Variants in C9orf85 observed in about 807,000 individuals in gnomAD.
C9orf85 encodes uncharacterized protein C9orf85.
C9orf85 carries 16 observed loss-of-function variants against 14.9 expected under a neutral mutation model. That is an observed-to-expected ratio of 1.08 (90% CI 0.73 to 1.63). The LOEUF (loss-of-function observed/expected upper bound fraction) is 1.63, where lower values mean the gene tolerates loss of function less well. Among genes scored for constraint, C9orf85 ranks in the 40% most tolerant of loss-of-function variants. C9orf85 has a pLI of 0.00. For synonymous variants in C9orf85, 45 were observed against 56.8 expected, an observed-to-expected ratio of 0.79 and a Z score of 0.93; for missense variants, 172 against 186.1, an observed-to-expected ratio of 0.92 and a Z score of 0.44.
intron 2 of C9orf85, among the ~76,000 whole-genome samples, chr9:71,947,547 A>G (rs913697468): frequency 1.3e-5 from 2 of 152,162 alleles, no homozygotes; most frequent in Non-Finnish European, 2.9e-5. Flanking sequence ...GTGAATCACT[A>G]GATTGATAAC....
intron 1 of C9orf85, among the ~76,000 whole-genome samples, chr9:71,921,081 C>G (rs1462165962): frequency 1.9e-4 from 29 of 152,130 alleles, no homozygotes; most frequent in Admixed American, 1.9e-3. Flanking sequence ...AGTAAGATAC[C>G]AACTTCCAAC....
chr9:71,914,114 TTTGTCAGAAGCATC>T (rs1242347125), intron 1 of C9orf85, among the ~76,000 whole-genome samples: 1 of 152,202 alleles, frequency 6.6e-6, no homozygotes, highest in Non-Finnish European at 1.5e-5. Flanking sequence ...AAGCCAAGAC[TTTGTCAGAAGCATC>T]TGATCCTAAC....
intron 1 of C9orf85, among the ~76,000 whole-genome samples, chr9:71,918,143 A>C (rs562172133): frequency 6.6e-6 from 1 of 152,264 alleles, no homozygotes; most frequent in Non-Finnish European, 1.5e-5. Context: ...AGATCGTGCC[A>C]CTGCACTCCA....
At chr9:71,943,697 C>T (rs539418861) in intron 1 of C9orf85, among the ~76,000 whole-genome samples, 4 of 151,888 alleles carry the variant, frequency 2.6e-5, no homozygotes, top group South Asian at 2.1e-4. Flanking sequence ...CATGCGCCAG[C>T]ACCCCGGCTA....
At chr9:71,932,135 T>C (rs764759196) in intron 1 of C9orf85, among the ~76,000 whole-genome samples, 7 of 152,208 alleles carry the variant, frequency 4.6e-5, no homozygotes, top group Non-Finnish European at 7.3e-5. Context: ...CCTTCTCCTG[T>C]ATTTGATGCT....
intron 2 of C9orf85, among the ~76,000 whole-genome samples, chr9:71,968,986 C>T (rs567645919): frequency 1.3e-5 from 2 of 152,102 alleles, no homozygotes; most frequent in South Asian, 4.2e-4. Context: ...AGTAGGTGAC[C>T]AGGGGTGACT....
intron 3 of C9orf85, among the ~76,000 whole-genome samples, chr9:71,982,194 G>T (rs1823108529): frequency 6.6e-6 from 1 of 151,530 alleles, no homozygotes; most frequent in South Asian, 2.1e-4. Context: ...TGACATTTTT[G>T]AGGTAGAGCC....
intron 2 of C9orf85, among the ~76,000 whole-genome samples, chr9:71,968,431 A>AT (rs1383174286): frequency 3.6e-4 from 55 of 152,200 alleles, no homozygotes; most frequent in Non-Finnish European, 4.3e-4. Context: ...AAAAAAAAAA[A>AT]AAAATTAGGA....
At chr9:71,949,516 A>G (rs1441512957) in intron 2 of C9orf85, among the ~76,000 whole-genome samples, 1 of 152,218 alleles carries the variant, frequency 6.6e-6, no homozygotes, top group Admixed American at 6.5e-5. Flanking sequence ...AAGATCTTGT[A>G]GAGGAGGAAA....
At chr9:71,939,548 A>G (rs962145044) in intron 1 of C9orf85, among the ~76,000 whole-genome samples, 5 of 152,178 alleles carry the variant, frequency 3.3e-5, no homozygotes, top group African/African-American at 1.2e-4. Context: ...ATTGATTTAC[A>G]GTTTCAGTGT....
At chr9:71,964,541 G>A (rs1048608591) in intron 2 of C9orf85, among the ~76,000 whole-genome samples, 3 of 151,650 alleles carry the variant, frequency 2.0e-5, no homozygotes, top group Non-Finnish European at 4.4e-5. Flanking sequence ...AACGCTCACC[G>A]TGAAGGTCTG....
At chr9:71,977,846 G>A (rs963472732), downstream of C9orf85, among the ~76,000 whole-genome samples, 2 of 152,090 alleles carry the variant, frequency 1.3e-5, no homozygotes, top group African/African-American at 4.8e-5. Flanking sequence ...AATCTAGGGG[G>A]TTAGAATTGC....
chr9:71,963,250 A>G (rs1822574441), intron 2 of C9orf85, among the ~76,000 whole-genome samples: 1 of 152,226 alleles, frequency 6.6e-6, no homozygotes, highest in Non-Finnish European at 1.5e-5. Context: ...GAGAAGTTAA[A>G]GTAACTTTCA....
chr9:71,970,760 G>A (rs1045540737), intron 2 of C9orf85, among the ~76,000 whole-genome samples: 1 of 151,930 alleles, frequency 6.6e-6, no homozygotes, highest in Non-Finnish European at 1.5e-5. Flanking sequence ...AATTTTAATA[G>A]AGAGTTCATT....
At chr9:71,944,987 T>C (rs966053421) in intron 1 of C9orf85, among the ~76,000 whole-genome samples, 3 of 152,142 alleles carry the variant, frequency 2.0e-5, no homozygotes, top group Non-Finnish European at 4.4e-5. Flanking sequence ...CTGCACAGCT[T>C]TGTAAATCAA....
chr9:71,927,839 T>C (rs1827967580), intron 1 of C9orf85, among the ~76,000 whole-genome samples: 1 of 152,220 alleles, frequency 6.6e-6, no homozygotes, highest in African/African-American at 2.4e-5. Context: ...GTTTCTCCTC[T>C]CTGTAAAAAA....
At chr9:71,940,333 C>T (rs1828297915) in intron 1 of C9orf85, among the ~76,000 whole-genome samples, 1 of 152,064 alleles carries the variant, frequency 6.6e-6, no homozygotes. Context: ...ACATGGGAGG[C>T]TTAGGCAGGA....
intron 1 of C9orf85, among the ~76,000 whole-genome samples, chr9:71,918,118 G>T (rs1403636402): frequency 6.6e-6 from 1 of 152,128 alleles, no homozygotes; most frequent in African/African-American, 2.4e-5. Flanking sequence ...AGGAGGCAGA[G>T]GTTGCAGTGA....
At chr9:71,985,476 C>G (rs944800794), downstream of C9orf85, 1 of 152,234 alleles carries the variant, frequency 6.6e-6, no homozygotes, top group Non-Finnish European at 1.5e-5. Flanking sequence ...TTCTTGGGCT[C>G]TGCCCTAGAC....
Sources: allele counts gnomAD v4.1 joint callset (sites outside exome capture counted in the v4.1 genomes callset), GRCh38; gene constraint gnomAD v4.1.1; transcripts MANE v1.5; gene names NCBI Gene and HGNC (gene_info 2026-07-23, HGNC 2026-07-21).